Variants in TIAM2 observed in about 807,000 individuals in gnomAD.
The protein encoded by TIAM2 is rho guanine nucleotide exchange factor TIAM2.
Under a neutral mutation model 152.9 loss-of-function variants are expected in TIAM2, and 80 were observed. That is an observed-to-expected ratio of 0.52 (90% confidence interval 0.44 to 0.63). The LOEUF (loss-of-function observed/expected upper bound fraction) is 0.63, where lower values mean the gene tolerates loss of function less well. Among genes scored for constraint, TIAM2 ranks in the 30% least tolerant of loss-of-function variants. The pLI is 0.00. For missense variants in TIAM2, 1,965 were observed against 2,120.1 expected (o/e 0.93, Z 1.44); for synonymous variants, 804 against 838.0 (o/e 0.96, Z 0.70).
rs117867499 is a variant in TIAM2, at chr6:155,096,030, C to G, written c.-118+5651C>G. On this transcript the variant is annotated intron_variant, in intron 2 of 26. Coordinates refer to ENST00000682666, the MANE Select transcript of TIAM2 (RefSeq NM_012454.4). ...ATTGTGTAGGTTTCTTTTTGGGTAG[C>G]GTAATAATACAGATGTTATCATTTA... Among the ~76,000 whole-genome samples, 143 of 152,068 alleles carry G rather than the reference C, an allele frequency of 9.4e-4. 4 individuals carry two copies. In the East Asian group the frequency reaches 0.024, roughly 26 times the overall value.
intron 9 of TIAM2, among the ~76,000 whole-genome samples, chr6:155,175,760 T>G (rs1471873452): frequency 6.6e-6 from 1 of 152,190 alleles, no homozygotes; most frequent in Non-Finnish European, 1.5e-5. Context: ...GCTATTTTTG[T>G]TATGAATTAC....
intron 26 of TIAM2, 51 bp from the exon 27 acceptor site, chr6:155,256,433 A>C (rs770797080): frequency 6.2e-7 from 1 of 1,611,274 alleles, no homozygotes; most frequent in African/African-American, 1.3e-5. Flanking sequence ...AACATTACAC[A>C]TTGTGTAACC....
At chr6:155,142,810 A>G (rs1203145770) in intron 5 of TIAM2, among the ~76,000 whole-genome samples, 1 of 152,242 alleles carries the variant, frequency 6.6e-6, no homozygotes, top group Non-Finnish European at 1.5e-5. Context: ...TCTTGAGATC[A>G]TAAAGTACCA....
chr6:155,137,519 CTCT>C lies in TIAM2; in HGVS notation c.1543_1545del (p.Phe515del). ...GGGGGTGGTCCGGAAGGCCGGGTGG[CTCT>C]TCTTCAAGCCCCTGGTCACTGTGCA... On this transcript the variant is annotated inframe_deletion, in exon 5 of 27. Transcript: ENST00000682666. 6.2e-7 allele frequency: 1 copy of C among 1,614,080 alleles called. No individual in the cohort carries two copies. The highest frequency in any genetic ancestry group is 8.5e-7 in the Non-Finnish European group (1 of 1,180,030).
Position 155,028,200 on chromosome 6 carries a change from TATA to T in TIAM2, c.-209+32712_-209+32714del, listed in dbSNP as rs1195847091. Among the ~76,000 whole-genome samples, 9 of 127,746 alleles carry T rather than the reference TATA, an allele frequency of 7.0e-5. 1 individual carries two copies. Among genetic ancestry groups the T allele is most frequent in the African/African-American group, 1.2e-4 (4 of 34,136 alleles). 83.8% of individuals were successfully genotyped at this position (127,746 alleles called of 152,430 possible). ...TGTACTGTGTTACATATATACTACA[TATA>T]ATATATGTACTGTGTTACATATATA... On this transcript the variant is annotated intron_variant, in intron 1 of 26. Transcript: ENST00000682666.
At chr6:155,230,405 A>G (rs9371368) in intron 15 of TIAM2, among the ~76,000 whole-genome samples, 18,232 of 152,198 alleles carry the variant, frequency 0.12, 1,413 homozygotes, top group Non-Finnish European at 0.18. Context: ...CCCTGGCTCC[A>G]GTGTTAGCTG....
At chr6:155,215,261 T>C (rs1375435828) in intron 15 of TIAM2, among the ~76,000 whole-genome samples, 1 of 152,174 alleles carries the variant, frequency 6.6e-6, no homozygotes, top group Non-Finnish European at 1.5e-5. Flanking sequence ...AGCAAAACAT[T>C]TACAAAGTGA....
At chr6:155,217,838 G>GA (rs904031412) in intron 15 of TIAM2, among the ~76,000 whole-genome samples, 8 of 151,970 alleles carry the variant, frequency 5.3e-5, no homozygotes, top group African/African-American at 9.6e-5. Context: ...TTTCTAGGCA[G>GA]AAAAAAAAGA....
intron 23 of TIAM2, among the ~76,000 whole-genome samples, chr6:155,252,657 G>A (rs1217488039): frequency 6.6e-6 from 1 of 152,112 alleles, no homozygotes; most frequent in African/African-American, 2.4e-5. Context: ...GATACCATAT[G>A]CCATTGGTTT....
chr6:155,182,226 GGTTTGCA>G lies in TIAM2; in HGVS notation c.2712_2718del (p.Phe904LeufsTer16). The G allele has an allele frequency of 1.2e-6, 2 of 1,614,020 alleles. No homozygotes were observed. Among genetic ancestry groups the G allele is most frequent in the Non-Finnish European group, 1.7e-6 (2 of 1,179,880 alleles). On this transcript the variant is annotated frameshift_variant and splice_region_variant, in exon 13 of 27. Transcript: ENST00000682666. LOFTEE classifies it high-confidence loss of function. ...TTTTTCCTTTTGTTTTCATTCCTAGGGTTTGCAGTTACAGCGCAGGTGGATGAGCGTC... is the reference window on the plus strand; with the variant it reads ...TTTTTCCTTTTGTTTTCATTCCTAGGGTTACAGCGCAGGTGGATGAGCGTC...
intron 15 of TIAM2, among the ~76,000 whole-genome samples, chr6:155,225,533 TTC>T (rs1054423372): frequency 2.6e-5 from 4 of 152,212 alleles, no homozygotes; most frequent in Non-Finnish European, 4.4e-5. Context: ...ACTCTGTCTC[TTC>T]CATCTTTTTC....
intron 26 of TIAM2, 156 bp downstream of exon 26, chr6:155,254,729 AGACG>A: frequency 1.1e-6 from 1 of 952,324 alleles, no homozygotes; most frequent in Admixed American, 2.7e-5. Flanking sequence ...TCTTGCTCCC[AGACG>A]TTCTACTGTA....
At chr6:154,999,803 C>G (rs1418408243) in intron 1 of TIAM2, among the ~76,000 whole-genome samples, 1 of 152,082 alleles carries the variant, frequency 6.6e-6, no homozygotes, top group East Asian at 1.9e-4. Context: ...CTCAGCCTCC[C>G]GAGTAGCTGG....
At chr6:155,163,966 GT>G (rs35722028) in intron 7 of TIAM2, among the ~76,000 whole-genome samples, 5 of 145,718 alleles carry the variant, frequency 3.4e-5, no homozygotes, top group East Asian at 2.0e-4. Context: ...AGTGCATTTT[GT>G]TTTTTTTTTT....
chr6:155,239,785 G>A lies in TIAM2; in HGVS notation c.3169-745G>A, dbSNP rs144240895. ...CTAAGACCAGCTTAGCTCCCTCCTC[G>A]CAGAGGTTTCCTCTGGGGCTGGTTG... On this transcript the variant is annotated intron_variant, in intron 15 of 26. Coordinates refer to ENST00000682666, the MANE Select transcript of TIAM2 (RefSeq NM_012454.4). Among the ~76,000 whole-genome samples the A allele has an allele frequency of 2.7e-3, 417 of 152,264 alleles. 2 individuals carry two copies. Among genetic ancestry groups the A allele is most frequent in the African/African-American group, 9.2e-3 (384 of 41,546 alleles).
chr6:155,041,917 C>G (rs1777054810), intron 1 of TIAM2, among the ~76,000 whole-genome samples: 1 of 152,128 alleles, frequency 6.6e-6, no homozygotes, highest in Non-Finnish European at 1.5e-5. Flanking sequence ...TTACAAATAG[C>G]CTTAGTTGAA....
intron 14 of TIAM2, among the ~76,000 whole-genome samples, chr6:155,208,376 T>C (rs1229033000): frequency 1.3e-5 from 2 of 152,176 alleles, no homozygotes; most frequent in Non-Finnish European, 2.9e-5. Context: ...CCTGTACCCT[T>C]ATGCACTGAT....
intron 9 of TIAM2, among the ~76,000 whole-genome samples, chr6:155,166,331 T>C (rs929492643): frequency 2.4e-5 from 3 of 124,392 alleles, no homozygotes; most frequent in Non-Finnish European, 3.9e-5. Flanking sequence ...CTTTTTTTTT[T>C]TTCTTTTTTT....
intron 1 of TIAM2, among the ~76,000 whole-genome samples, chr6:155,067,056 T>C (rs909738170): frequency 2.0e-5 from 3 of 152,186 alleles, no homozygotes; most frequent in African/African-American, 7.2e-5. Context: ...CAAATATTTC[T>C]ATTTGCAGTC....
Sources: gnomAD v4.1 joint callset for allele counts (sites outside exome capture counted in the v4.1 genomes callset) on GRCh38, gnomAD v4.1.1 for gene constraint, MANE v1.5 for transcripts, NCBI Gene and HGNC (gene_info 2026-07-23, HGNC 2026-07-21) for gene names.